Variants in CPNE4 observed in about 807,000 individuals in gnomAD.
CPNE4 encodes copine 4.
CPNE4 carries 25 observed loss-of-function variants against 67.9 expected under a neutral mutation model. The observed-to-expected ratio is 0.37, with a 90% CI of 0.27 to 0.51. CPNE4 has a LOEUF of 0.51. Among genes scored for constraint, CPNE4 ranks in the 20% least tolerant of loss-of-function variants. The pLI is 0.93. For missense variants in CPNE4, 464 were observed against 690.8 expected (o/e 0.67, Z 3.68); for synonymous variants, 242 against 244.9 (o/e 0.99, Z 0.11).
rs1354381534 is a variant in CPNE4, at chr3:131,943,552, CTCTGGACA to C, written c.-1-38116_-1-38109del. Among the ~76,000 whole-genome samples the C allele has an allele frequency of 2.6e-5, 4 of 152,172 alleles. No homozygotes were observed. The East Asian group carries it at 5.8e-4, about 22-fold the overall frequency. On this transcript the variant is annotated intron_variant, in intron 1 of 15. Transcript: ENST00000429747. ...GTTATTATTACTTCTTATTCAAAAG[CTCTGGACA>C]TCTCCCCCACCCTTCTCTCCAGTGC...
intron 1 of CPNE4, among the ~76,000 whole-genome samples, chr3:131,941,564 G>A (rs547030851): frequency 1.2e-3 from 186 of 151,864 alleles, no homozygotes; most frequent in Non-Finnish European, 1.9e-3. Context: ...AAGAAAAGTT[G>A]TATTTGAAAA....
Position 131,649,893 on chromosome 3 carries a change from C to T in CPNE4, c.681+19782G>A, listed in dbSNP as rs1015285592. Among the ~76,000 whole-genome samples the T allele has an allele frequency of 6.6e-5, 10 of 152,276 alleles. No homozygotes were observed. The South Asian group carries it at 1.0e-3, about 16-fold the overall frequency. On this transcript the variant is annotated intron_variant, in intron 7 of 15. Transcript: ENST00000429747. ...CAGGAGTTCAATTACACCGTGGCTG[C>T]GTTGTGTGCTTAGTATCTCACAAGG...
chr3:131,679,217 A>G (rs998766820), intron 6 of CPNE4, among the ~76,000 whole-genome samples: 3 of 152,004 alleles, frequency 2.0e-5, no homozygotes, highest in Admixed American at 6.6e-5. Context: ...GTTTATGTGC[A>G]TAGCGGTGTT....
chr3:131,739,191 A>C (rs922561090), intron 2 of CPNE4, among the ~76,000 whole-genome samples: 5 of 152,194 alleles, frequency 3.3e-5, no homozygotes, highest in Admixed American at 3.3e-4. Flanking sequence ...AGAGCCAAAC[A>C]AACCAGTCCA....
At chr3:132,009,286 T>C (rs1169804376) in intron 1 of CPNE4, among the ~76,000 whole-genome samples, 1 of 152,146 alleles carries the variant, frequency 6.6e-6, no homozygotes, top group East Asian at 1.9e-4. Context: ...GGAGTCAAGA[T>C]CCCTGAGGAA....
chr3:131,826,100 T>C (rs1030913494), intron 2 of CPNE4, among the ~76,000 whole-genome samples: 7 of 152,246 alleles, frequency 4.6e-5, no homozygotes, highest in Non-Finnish European at 7.3e-5. Context: ...GGACCATTTG[T>C]TGAGCTCTTC....
intron 1 of CPNE4, among the ~76,000 whole-genome samples, chr3:132,005,435 G>A (rs79463596): frequency 0.039 from 5,778 of 146,436 alleles, 132 homozygotes; most frequent in Middle Eastern, 0.064. Context: ...TTTACAAAAG[G>A]AAGACAACAA....
chr3:131,845,214 C>T (rs1367942087), intron 2 of CPNE4, among the ~76,000 whole-genome samples: 1 of 152,144 alleles, frequency 6.6e-6, no homozygotes, highest in Non-Finnish European at 1.5e-5. Flanking sequence ...TCATAACCAC[C>T]CACCATCATC....
chr3:131,743,237 A>G (rs1002291388), intron 2 of CPNE4, among the ~76,000 whole-genome samples: 1 of 152,202 alleles, frequency 6.6e-6, no homozygotes, highest in African/African-American at 2.4e-5. Flanking sequence ...AGGCAGTGGG[A>G]AACTTAAATA....
intron 3 of CPNE4, among the ~76,000 whole-genome samples, chr3:131,711,188 C>T (rs1254133765): frequency 1.3e-5 from 2 of 152,196 alleles, no homozygotes; most frequent in African/African-American, 4.8e-5. Flanking sequence ...CCCTATCATT[C>T]TCACAATACC....
intron 2 of CPNE4, among the ~76,000 whole-genome samples, chr3:131,902,173 A>G (rs1440969465): frequency 2.0e-5 from 3 of 152,140 alleles, no homozygotes; most frequent in Non-Finnish European, 4.4e-5. Flanking sequence ...AATGAACCAT[A>G]TGATTAAGCA....
rs907989763 is a variant in CPNE4 at position 131,601,170 on chromosome 3, A to T, written c.682-13588T>A. ...ACTGGACAACTAGGTAATCATCCTCATATCACTTTGCCTTTGGCTACCCAG... is the reference window on the plus strand; with the variant it reads ...ACTGGACAACTAGGTAATCATCCTCTTATCACTTTGCCTTTGGCTACCCAG... On this transcript the variant is annotated intron_variant, in intron 7 of 15. Transcript: ENST00000429747. 8.5e-5 allele frequency among the ~76,000 whole-genome samples: 13 copies of T among 152,130 alleles called. No individual in the cohort carries two copies. In the South Asian group the frequency reaches 2.3e-3, roughly 27 times the overall value.
intron 2 of CPNE4, among the ~76,000 whole-genome samples, chr3:131,869,595 A>C (rs770585311): frequency 3.3e-5 from 5 of 152,202 alleles, no homozygotes; most frequent in Admixed American, 1.3e-4. Flanking sequence ...TAATAATGGA[A>C]CATTTTTAGA....
At chr3:131,794,072 G>A (rs1487174919) in intron 2 of CPNE4, among the ~76,000 whole-genome samples, 3 of 152,152 alleles carry the variant, frequency 2.0e-5, no homozygotes, top group African/African-American at 7.2e-5. Flanking sequence ...ATGTATGCAG[G>A]ATTATCAAGG....
At chr3:131,888,923 T>C (rs978614086) in intron 2 of CPNE4, among the ~76,000 whole-genome samples, 33 of 152,178 alleles carry the variant, frequency 2.2e-4, no homozygotes, top group African/African-American at 8.0e-4. Flanking sequence ...CCAAGAATAC[T>C]TGGGTTGGCC....
At chr3:131,807,273 C>A (rs55731544) in intron 2 of CPNE4, among the ~76,000 whole-genome samples, 17,677 of 152,090 alleles carry the variant, frequency 0.12, 1,056 homozygotes, top group East Asian at 0.17. Context: ...GTCACACGTG[C>A]CTTTGTTCAG....
At chr3:132,035,741 T>C (rs1456089865), upstream of CPNE4, among the ~76,000 whole-genome samples, 1 of 152,232 alleles carries the variant, frequency 6.6e-6, no homozygotes, top group Non-Finnish European at 1.5e-5. Context: ...TCTGCTACCA[T>C]AGACAAACTA....
intron 2 of CPNE4, among the ~76,000 whole-genome samples, chr3:131,862,058 T>C (rs557556301): frequency 2.2e-4 from 33 of 152,322 alleles, no homozygotes; most frequent in African/African-American, 7.7e-4. Flanking sequence ...AGGGGCTCTT[T>C]TCTTTGCAAT....
chr3:131,578,019 GACCATCTGGGTGTGTGTATAC>G (rs1209662936), intron 9 of CPNE4, among the ~76,000 whole-genome samples: 1 of 151,974 alleles, frequency 6.6e-6, no homozygotes, highest in Non-Finnish European at 1.5e-5. Flanking sequence ...GTAAATTGGG[GACCATCTGGGTGTGTGTATAC>G]ACACACACAC....
Sources: gnomAD v4.1 joint callset for allele counts (sites outside exome capture counted in the v4.1 genomes callset) on GRCh38, gnomAD v4.1.1 for gene constraint, MANE v1.5 for transcripts, NCBI Gene and HGNC (gene_info 2026-07-23, HGNC 2026-07-21) for gene names.